The following KHDRBS2 variants were observed in gnomAD, a reference collection of about 807,000 sequenced individuals.
KHDRBS2 encodes KH RNA binding domain containing, signal transduction associated 2, also known as KH domain-containing, RNA-binding, signal transduction-associated protein 2.
A neutral mutation model predicts 44.3 loss-of-function variants in KHDRBS2; 26 were observed. That is an observed-to-expected ratio of 0.59 (90% CI 0.43 to 0.81). KHDRBS2 has a LOEUF of 0.81. KHDRBS2 is among the 40% of genes least tolerant of loss of function. The probability of loss-of-function intolerance (pLI) is 0.00; values close to 1 mark genes in which losing one functional copy is unlikely to be tolerated. For missense variants in KHDRBS2, 476 were observed against 433.1 expected (o/e 1.10, Z -0.88); for synonymous variants, 194 against 151.1 (o/e 1.28, Z -2.08).
rs1311838437 is a variant in KHDRBS2, at chr6:62,270,301, C to CCT, written c.91+15555_91+15556dup. On this transcript the variant is annotated intron_variant, in intron 1 of 8. Transcript: ENST00000281156. ...CATCTCTCTCTCTCTCTCTCTCTCT[C>CCT]CTCTCTCTCTCTCTCTCTCCCCCAC... 1.6e-3 allele frequency among the ~76,000 whole-genome samples: 211 copies of CCT among 134,226 alleles called. 3 individuals are homozygous for CCT. The South Asian group carries it at 0.016, about 10-fold the overall frequency. 88.1% of individuals were successfully genotyped at this position (134,226 alleles called of 152,430 possible).
the KHDRBS2 span, among the ~76,000 whole-genome samples, chr6:61,556,578 C>A: frequency 6.6e-6 from 1 of 152,106 alleles, no homozygotes; most frequent in Non-Finnish European, 1.5e-5. Context: ...GTCAGTTTTT[C>A]TTTCAGGAAA....
intron 2 of KHDRBS2, among the ~76,000 whole-genome samples, chr6:62,050,409 T>C (rs190590340): frequency 7.2e-6 from 1 of 139,460 alleles, no homozygotes; most frequent in African/African-American, 2.6e-5. Flanking sequence ...ATTCTGCACA[T>C]GTATCCCAGA....
intron 3 of KHDRBS2, among the ~76,000 whole-genome samples, chr6:61,980,288 AT>A (rs1773568876): frequency 6.6e-6 from 1 of 152,150 alleles, no homozygotes; most frequent in African/African-American, 2.4e-5. Flanking sequence ...AGAATATATC[AT>A]AAATTGTTCA....
At chr6:61,995,799 T>A (rs1295018641) in intron 3 of KHDRBS2, among the ~76,000 whole-genome samples, 1 of 152,214 alleles carries the variant, frequency 6.6e-6, no homozygotes, top group African/African-American at 2.4e-5. Context: ...ATAAAATGTA[T>A]CTGTCCACTT....
chr6:61,593,432 A>G, the KHDRBS2 span, among the ~76,000 whole-genome samples: 104 of 151,842 alleles, frequency 6.8e-4, no homozygotes, highest in African/African-American at 2.3e-3. Flanking sequence ...TTCATTTTAA[A>G]AAGCCACAAT....
chr6:61,808,022 T>C (rs1246334629), intron 6 of KHDRBS2, among the ~76,000 whole-genome samples: 1 of 152,108 alleles, frequency 6.6e-6, no homozygotes. Context: ...TTAAAGCAAC[T>C]GCTTGGATGT....
intron 6 of KHDRBS2, among the ~76,000 whole-genome samples, chr6:61,888,590 C>A: frequency 7.4e-6 from 1 of 135,202 alleles, no homozygotes; most frequent in East Asian, 2.1e-4. Context: ...TGAGACGAGT[C>A]TCTCTCTGTC....
At chr6:62,166,453 G>A (rs1357173111) in intron 2 of KHDRBS2, among the ~76,000 whole-genome samples, 1 of 151,918 alleles carries the variant, frequency 6.6e-6, no homozygotes, top group Non-Finnish European at 1.5e-5. Flanking sequence ...ATAAATTTAT[G>A]TTCACAATGG....
At chr6:61,718,427 T>C (rs1771802001) in intron 7 of KHDRBS2, among the ~76,000 whole-genome samples, 2 of 152,154 alleles carry the variant, frequency 1.3e-5, no homozygotes, top group South Asian at 4.1e-4. Flanking sequence ...ATATGTACAA[T>C]TACTACTTAT....
chr6:61,622,961 G>A, the KHDRBS2 span, among the ~76,000 whole-genome samples: 1 of 152,120 alleles, frequency 6.6e-6, no homozygotes, highest in Non-Finnish European at 1.5e-5. Context: ...GTGTTTGATT[G>A]CCTGAAGCTG....
chr6:61,769,969 G>A (rs1780605520), intron 6 of KHDRBS2, among the ~76,000 whole-genome samples: 1 of 152,140 alleles, frequency 6.6e-6, no homozygotes, highest in African/African-American at 2.4e-5. Flanking sequence ...ACACGGCTGT[G>A]TACTCCTCTG....
At chr6:61,828,316 T>TATCTTTATC (rs1201870098) in intron 6 of KHDRBS2, among the ~76,000 whole-genome samples, 1 of 152,172 alleles carries the variant, frequency 6.6e-6, no homozygotes, top group Non-Finnish European at 1.5e-5. Context: ...ATAAAGTCTA[T>TATCTTTATC]AAAGAAAAGG....
chr6:62,082,451 T>A (rs1294048826), intron 2 of KHDRBS2, among the ~76,000 whole-genome samples: 1 of 152,042 alleles, frequency 6.6e-6, no homozygotes, highest in African/African-American at 2.4e-5. Context: ...AGGAAAATGA[T>A]GGATAAATCT....
the KHDRBS2 span, among the ~76,000 whole-genome samples, chr6:61,568,782 G>C: frequency 6.6e-6 from 1 of 152,208 alleles, no homozygotes; most frequent in African/African-American, 2.4e-5. Flanking sequence ...CAAGCCCAGG[G>C]AAGCCATCCC....
chr6:61,713,551 A>G (rs116382416), intron 7 of KHDRBS2, among the ~76,000 whole-genome samples: 3,743 of 150,136 alleles, frequency 0.025, 73 homozygotes, highest in Middle Eastern at 0.084. Context: ...TTGTAGTACA[A>G]TTTGAAGTCA....
chr6:61,712,071 G>A (rs1423732573), intron 7 of KHDRBS2, among the ~76,000 whole-genome samples: 3 of 151,728 alleles, frequency 2.0e-5, no homozygotes, highest in Non-Finnish European at 2.9e-5. Flanking sequence ...CCAAAACTAA[G>A]AGAAAATCAG....
chr6:62,111,475 T>C (rs947897357), intron 2 of KHDRBS2, among the ~76,000 whole-genome samples: 14 of 152,150 alleles, frequency 9.2e-5, no homozygotes, highest in Non-Finnish European at 1.8e-4. Flanking sequence ...TTCTGTGGAA[T>C]TGAACAGTAC....
intron 1 of KHDRBS2, among the ~76,000 whole-genome samples, chr6:62,235,258 T>C (rs1431508556): frequency 1.3e-5 from 2 of 151,988 alleles, no homozygotes; most frequent in Non-Finnish European, 2.9e-5. Context: ...ATCTCTCCAT[T>C]GCCTCTAGAG....
chr6:61,974,372 G>A (rs1235625014), intron 4 of KHDRBS2, among the ~76,000 whole-genome samples: 1 of 151,570 alleles, frequency 6.6e-6, no homozygotes, highest in Non-Finnish European at 1.5e-5. Flanking sequence ...ATACAATAGT[G>A]GCAATACTTG....
Sources: gnomAD v4.1 joint callset for allele counts (sites outside exome capture counted in the v4.1 genomes callset) on GRCh38, gnomAD v4.1.1 for gene constraint, MANE v1.5 for transcripts, NCBI Gene and HGNC (gene_info 2026-07-23, HGNC 2026-07-21) for gene names.